Variants in ZPBP observed in about 807,000 individuals in gnomAD.
ZPBP encodes zona pellucida binding protein.
A neutral mutation model predicts 44.8 loss-of-function variants in ZPBP; 26 were observed. The ratio of observed to expected loss-of-function variants is 0.58; its 90% CI spans 0.43 to 0.81. The LOEUF (loss-of-function observed/expected upper bound fraction) is 0.81. ZPBP is among the 30% of genes least tolerant of loss of function. The probability of loss-of-function intolerance (pLI) is 0.00; values close to 1 mark genes in which losing one functional copy is unlikely to be tolerated. For missense variants in ZPBP, 409 were observed against 434.0 expected (o/e 0.94, Z 0.51); for synonymous variants, 174 against 153.2 (o/e 1.14, Z -1.00).
intron 2 of ZPBP, among the ~76,000 whole-genome samples, chr7:49,889,561 G>A (rs1379126121): frequency 6.6e-6 from 1 of 152,168 alleles, no homozygotes; most frequent in Non-Finnish European, 1.5e-5. Context: ...GGTCAAAGGC[G>A]AGGATGAAAA....
chr7:50,072,471 C>G (rs1020688057), intron 3 of ZPBP, among the ~76,000 whole-genome samples: 1 of 152,228 alleles, frequency 6.6e-6, no homozygotes, highest in Non-Finnish European at 1.5e-5. Flanking sequence ...GGCTTTACTT[C>G]CTGCTGATTG....
intron 6 of ZPBP, among the ~76,000 whole-genome samples, chr7:50,004,710 T>C (rs1798230649): frequency 1.3e-5 from 2 of 152,026 alleles, no homozygotes; most frequent in Admixed American, 6.6e-5. Context: ...GAAGAAACAA[T>C]TGGTCAACTT....
intron 5 of ZPBP, among the ~76,000 whole-genome samples, chr7:50,019,113 T>C (rs1798960537): frequency 6.6e-6 from 1 of 152,044 alleles, no homozygotes; most frequent in African/African-American, 2.4e-5. Context: ...CTCCAATTTG[T>C]AAAACAAGGG....
In ZPBP at chr7:49,897,694, A is replaced by T. The variant is rs114162825; in HGVS notation, n.509+3424T>A. The stretch of plus-strand genomic sequence containing the variant: ...AAAATCACAACTTACCTGAGCAGAA[A>T]GCTCCATGGGAACCAGTATTGGGTT... On this transcript the variant is annotated intron_variant and non_coding_transcript_variant, in intron 2 of 2. Transcript: ENST00000465922. Among the ~76,000 whole-genome samples, 481 of 152,356 alleles carry T rather than the reference A, an allele frequency of 3.2e-3. 6 individuals carry two copies. Among genetic ancestry groups the T allele is most frequent in the African/African-American group, 0.011 (448 of 41,582 alleles).
At chr7:49,923,887 G>A (rs1794127274) in intron 1 of ZPBP, among the ~76,000 whole-genome samples, 1 of 152,158 alleles carries the variant, frequency 6.6e-6, no homozygotes, top group South Asian at 2.1e-4. Context: ...ACTTTGGGAG[G>A]CCAAGGCAGG....
intron 3 of ZPBP, 113 bp from the exon 4 acceptor site, chr7:50,058,254 G>T: frequency 8.9e-7 from 1 of 1,126,006 alleles, no homozygotes; most frequent in Non-Finnish European, 1.3e-6. Context: ...AATGAAAGGA[G>T]TGGGGGGCAT....
At chr7:49,901,870 G>GTTTGCTAACACTGTTAGCT (rs1792749786) in intron 1 of ZPBP, among the ~76,000 whole-genome samples, 1 of 146,834 alleles carries the variant, frequency 6.8e-6, no homozygotes, top group Non-Finnish European at 1.5e-5. Context: ...AGATAAATAT[G>GTTTGCTAACACTGTTAGCT]AACACTGTTT....
intron 4 of ZPBP, among the ~76,000 whole-genome samples, chr7:50,050,763 T>C (rs1800647969): frequency 8.6e-6 from 1 of 115,954 alleles, no homozygotes. Context: ...CACTCCAGCC[T>C]GGACGACAGA....
intron 3 of ZPBP, among the ~76,000 whole-genome samples, chr7:50,073,074 G>C (rs1319689058): frequency 6.6e-6 from 1 of 151,974 alleles, no homozygotes; most frequent in Non-Finnish European, 1.5e-5. Context: ...CTAAATACCA[G>C]GGACCAATCC....
intron 6 of ZPBP, among the ~76,000 whole-genome samples, chr7:49,984,268 T>C (rs542065535): frequency 6.6e-6 from 1 of 152,320 alleles, no homozygotes; most frequent in Non-Finnish European, 1.5e-5. Flanking sequence ...TCTTCCAATA[T>C]CTTGTAAATT....
In ZPBP at chr7:49,918,699, C is replaced by A. The variant is rs538974724; in HGVS notation, n.411+17052G>T. 7.2e-5 allele frequency: 11 copies of A among 152,272 alleles called. No individual in the cohort carries two copies. In the East Asian group the frequency reaches 1.7e-3, roughly 24 times the overall value. The allele number at this position is 152,272 out of a possible 1,614,324, so 9.4% of individuals were successfully genotyped here. A position where few individuals can be genotyped will look rare whatever the true frequency, so the allele number is the denominator to read the frequency against. On this transcript the variant is annotated intron_variant and non_coding_transcript_variant, in intron 1 of 2. Coordinates refer to the ZPBP transcript ENST00000465922. Reference sequence around the variant, plus strand: ...ACACTACAATTTCAAATTTCATATTCTTTTATCTGATTTATTCATTTTATC... The same window carrying A: ...ACACTACAATTTCAAATTTCATATTATTTTATCTGATTTATTCATTTTATC...
chr7:49,872,616 G>A (rs1048636703), intron 2 of ZPBP, among the ~76,000 whole-genome samples: 1 of 151,702 alleles, frequency 6.6e-6, no homozygotes, highest in Admixed American at 6.6e-5. Flanking sequence ...ATGAAGATCA[G>A]AATTTGGGGC....
At chr7:49,844,432 T>A in the ZPBP span, among the ~76,000 whole-genome samples, 2 of 152,208 alleles carry the variant, frequency 1.3e-5, no homozygotes, top group East Asian at 3.8e-4. Flanking sequence ...ACTATAGATA[T>A]GAAAGCTTCT....
chr7:50,054,835 T>A (rs1800855611), intron 4 of ZPBP, among the ~76,000 whole-genome samples: 1 of 152,098 alleles, frequency 6.6e-6, no homozygotes, highest in South Asian at 2.1e-4. Flanking sequence ...TATATATCTC[T>A]CAGTAGCTAT....
At chr7:49,938,595 C>T (rs1794716301) in intron 7 of ZPBP, among the ~76,000 whole-genome samples, 1 of 152,184 alleles carries the variant, frequency 6.6e-6, no homozygotes, top group South Asian at 2.1e-4. Context: ...AAATGCTTAA[C>T]TTTATGCACT....
chr7:50,015,846 T>A (rs539646253), intron 6 of ZPBP, among the ~76,000 whole-genome samples: 4 of 151,964 alleles, frequency 2.6e-5, no homozygotes, highest in African/African-American at 7.2e-5. Flanking sequence ...GAAAAACAAA[T>A]CAAAACCGCA....
chr7:50,072,217 C>A (rs1333520208), intron 3 of ZPBP, among the ~76,000 whole-genome samples: 1 of 152,184 alleles, frequency 6.6e-6, no homozygotes, highest in East Asian at 1.9e-4. Flanking sequence ...TGGCAATAAT[C>A]CCACTGGCCT....
chr7:50,093,006 T>C, intron 1 of ZPBP, 62 bp downstream of exon 1: 1 of 1,560,088 alleles, frequency 6.4e-7, no homozygotes, highest in South Asian at 1.2e-5. Context: ...AAAAGGCAAT[T>C]CGAAGAGTGG....
chr7:50,081,734 A>G (rs1584193067), intron 3 of ZPBP, 40 bp downstream of exon 3: 2 of 1,603,904 alleles, frequency 1.2e-6, no homozygotes, highest in Non-Finnish European at 1.7e-6. Context: ...CACAATTCAG[A>G]TACATTTATT....
Sources: gnomAD v4.1 joint callset for allele counts (sites outside exome capture counted in the v4.1 genomes callset) on GRCh38, gnomAD v4.1.1 for gene constraint, MANE v1.5 for transcripts, NCBI Gene and HGNC (gene_info 2026-07-23, HGNC 2026-07-21) for gene names.